RBM6: variants seen among roughly 807,000 people sequenced by gnomAD.
RBM6 encodes the protein RNA-binding protein 6.
RBM6 carries 23 observed loss-of-function variants against 140.4 expected under a neutral mutation model. The observed-to-expected ratio is 0.16, with a 90% confidence interval of 0.12 to 0.23. The LOEUF is 0.23. Among genes scored for constraint, RBM6 ranks in the 10% least tolerant of loss-of-function variants. The pLI is 1.00. For missense variants in RBM6, 1,139 were observed against 1,386.7 expected (o/e 0.82, Z 2.84); for synonymous variants, 439 against 475.6 (o/e 0.92, Z 1.00).
intron 1 of RBM6, among the ~76,000 whole-genome samples, chr3:49,961,846 G>C (rs1337050741): frequency 2.7e-5 from 4 of 150,344 alleles, no homozygotes; most frequent in Non-Finnish European, 5.9e-5. Flanking sequence ...TAATATGTAA[G>C]TGATGTAAGT....
At chr3:49,992,354 T>G in intron 5 of RBM6, among the ~76,000 whole-genome samples, 1 of 152,154 alleles carries the variant, frequency 6.6e-6, no homozygotes, top group East Asian at 1.9e-4. Context: ...CTAGTCAAAA[T>G]AAAAATAGCC....
At chr3:49,959,311 C>T (rs998002048) in intron 1 of RBM6, among the ~76,000 whole-genome samples, 11 of 148,820 alleles carry the variant, frequency 7.4e-5, no homozygotes, top group Non-Finnish European at 1.3e-4. Context: ...GCCTCAGCCT[C>T]GTGAGTAGCT....
intron 1 of RBM6, among the ~76,000 whole-genome samples, chr3:49,948,647 G>A (rs1398625928): frequency 6.6e-6 from 1 of 151,218 alleles, no homozygotes; most frequent in Non-Finnish European, 1.5e-5. Context: ...AGGAGGTGGA[G>A]GTTGCAGTGA....
At chr3:50,033,553 T>C (rs1274611737) in intron 6 of RBM6, among the ~76,000 whole-genome samples, 1 of 152,218 alleles carries the variant, frequency 6.6e-6, no homozygotes, top group African/African-American at 2.4e-5. Context: ...GATGTAAGTA[T>C]ATGAAGTTTG....
At chr3:50,006,874 G>A (rs933402023) in intron 6 of RBM6, among the ~76,000 whole-genome samples, 6 of 150,120 alleles carry the variant, frequency 4.0e-5, no homozygotes, top group Non-Finnish European at 8.9e-5. Context: ...GGAGCTTGCA[G>A]TGAGCCGAGA....
At chr3:50,043,993 G>T (rs527757815) in intron 6 of RBM6, among the ~76,000 whole-genome samples, 110 of 151,302 alleles carry the variant, frequency 7.3e-4, no homozygotes, top group African/African-American at 2.5e-3. Context: ...TAGCAATTCT[G>T]CCTCAGTCTT....
At chr3:49,984,028 A>C (rs2085429561) in intron 5 of RBM6, among the ~76,000 whole-genome samples, 1 of 152,218 alleles carries the variant, frequency 6.6e-6, no homozygotes, top group Non-Finnish European at 1.5e-5. Context: ...ACAGTGGCTC[A>C]AACCTGTAAT....
intron 1 of RBM6, among the ~76,000 whole-genome samples, chr3:49,952,248 C>G (rs1461099503): frequency 1.3e-5 from 2 of 151,954 alleles, no homozygotes; most frequent in Non-Finnish European, 2.9e-5. Context: ...TCAGGATGGT[C>G]TAGATCTCTT....
intron 5 of RBM6, among the ~76,000 whole-genome samples, chr3:49,978,397 G>A (rs1364371490): frequency 6.6e-6 from 1 of 152,152 alleles, no homozygotes; most frequent in African/African-American, 2.4e-5. Context: ...CTCATAAGAG[G>A]GGAATTGTGG....
intron 6 of RBM6, among the ~76,000 whole-genome samples, chr3:50,018,581 GTTTTTTTTTTTTTTTTTTT>G (rs58115280): frequency 1.6e-5 from 1 of 63,510 alleles, no homozygotes; most frequent in African/African-American, 6.7e-5. Context: ...GTAGGAGTGT[GTTTTTTTTTTTTTTTTTTT>G]TTTTTTTTTT....
chr3:50,075,646 G>A (rs1485180158), intron 20 of RBM6, among the ~76,000 whole-genome samples: 1 of 152,168 alleles, frequency 6.6e-6, no homozygotes, highest in African/African-American at 2.4e-5. Context: ...CAGGGAATCA[G>A]CAATGAAAGG....
chr3:50,008,795 C>T (rs1345803002), intron 6 of RBM6, among the ~76,000 whole-genome samples: 2 of 152,116 alleles, frequency 1.3e-5, no homozygotes, highest in African/African-American at 4.8e-5. Flanking sequence ...AGGTGATCCA[C>T]CCACCTTGGC....
In RBM6 at chr3:49,968,306, A is replaced by G. The variant is rs769741369; in HGVS notation, c.881A>G (p.Asp294Gly). ...CCCCCTGTGGATCCAAATATTTTGG[A>G]TTACATTCAGCCCTCTACACAAGAT... ...EMPPVDPNIL[D>G]YIQPSTQDRE... The change falls in exon 3 of 21, where the codon GAT (aspartate) becomes GGT (glycine). Residue 294 changes from aspartate to glycine, a missense_variant. Transcript: ENST00000266022. The G allele has an allele frequency of 1.2e-6, 2 of 1,614,142 alleles. No individual in the cohort carries two copies. The highest frequency in any genetic ancestry group is 1.7e-6 in the Non-Finnish European group (2 of 1,180,040).
At chr3:50,039,195 C>T (rs2088721432) in intron 6 of RBM6, among the ~76,000 whole-genome samples, 1 of 142,864 alleles carries the variant, frequency 7.0e-6, no homozygotes, top group Non-Finnish European at 1.5e-5. Context: ...ATTTTACTTC[C>T]ACCAAGAATT....
At chr3:50,008,132 A>G (rs1352562829) in intron 6 of RBM6, among the ~76,000 whole-genome samples, 1 of 152,102 alleles carries the variant, frequency 6.6e-6, no homozygotes, top group Non-Finnish European at 1.5e-5. Context: ...TAACCAGCCC[A>G]TTATTTGCCA....
rs774550181 is a variant in RBM6 at position 50,057,923 on chromosome 3, G to A, written c.1889G>A (p.Arg630Gln). Residue 630 changes from arginine (R) to glutamine (Q), a missense_variant, in exon 9 of 21, where the codon CGA (arginine) becomes CAA (glutamine). Arg to Gln is a conservative substitution (Grantham distance 43). Transcript: ENST00000266022. Reference protein sequence around the residue: ...REAERYLPPSRREGPTFRRDR... With the variant: ...REAERYLPPSQREGPTFRRDR... Reference sequence around the variant, plus strand: ...GCAGAAAGGTATCTGCCTCCTTCTCGAAGGGAAGGGCCAACTTTCCGAAGA... The same window carrying A: ...GCAGAAAGGTATCTGCCTCCTTCTCAAAGGGAAGGGCCAACTTTCCGAAGA... 11 of 1,614,004 alleles carry A rather than the reference G, an allele frequency of 6.8e-6. No homozygotes were observed. The highest frequency in any genetic ancestry group is 3.3e-5 in the South Asian group (3 of 91,082).
In RBM6 at chr3:49,968,202, T is replaced by G; in HGVS notation, c.777T>G (p.Gly259=). The stretch of plus-strand genomic sequence containing the variant: ...ATACGCCACATTCAGATTTCAGAGG[T>G]AGACACCGATCTAGGACTGATCAGG... ...DRDTPHSDFR[G]RHRSRTDQDF... The change falls in exon 3 of 21, where the codon GGT becomes GGG. Residue 259 remains glycine, a synonymous_variant. Transcript: ENST00000266022. The G allele has an allele frequency of 6.2e-7, 1 of 1,613,900 alleles. No individual in the cohort carries two copies. The highest frequency in any genetic ancestry group is 8.5e-7 in the Non-Finnish European group (1 of 1,179,972).
In RBM6 at chr3:50,070,505, T is replaced by A. The variant is rs2090267683; in HGVS notation, c.3069T>A (p.Phe1023Leu). Residue 1023 changes from phenylalanine (F) to leucine (L), a missense_variant, in exon 19 of 21, where the codon TTT becomes TTA. Physicochemically the swap from Phe to Leu is conservative, Grantham distance 22. Transcript: ENST00000266022. ...GNDRREKLQS[F>L]DSPERKRIKY... ...ATCGCAGGGAAAAGCTCCAGTCTTTTGACTCTCCAGAAAGGAAACGGATTA... is the reference window on the plus strand; with the variant it reads ...ATCGCAGGGAAAAGCTCCAGTCTTTAGACTCTCCAGAAAGGAAACGGATTA... 14 of 1,614,096 alleles carry A rather than the reference T, an allele frequency of 8.7e-6. No individual in the cohort carries two copies. Among genetic ancestry groups the A allele is most frequent in the African/African-American group, 1.3e-5 (1 of 75,052 alleles).
chr3:49,979,930 G>C (rs2085227593), intron 5 of RBM6, among the ~76,000 whole-genome samples: 1 of 152,078 alleles, frequency 6.6e-6, no homozygotes, highest in Non-Finnish European at 1.5e-5. Context: ...TATCTTGATT[G>C]TGGTGATGAT....
Sources: gnomAD v4.1 joint callset for allele counts (sites outside exome capture counted in the v4.1 genomes callset) on GRCh38, gnomAD v4.1.1 for gene constraint, MANE v1.5 for transcripts, NCBI Gene and HGNC (gene_info 2026-07-23, HGNC 2026-07-21) for gene names.